The following NR2F1-AS1 variants were observed in gnomAD, a reference collection of about 807,000 sequenced individuals.
The protein encoded by NR2F1-AS1 is NR2F1 regulatory antisense RNA 1.
At chr5:93,416,909 T>C (rs1748980069) in intron 4 of NR2F1-AS1, among the ~76,000 whole-genome samples, 1 of 152,194 alleles carries the variant, frequency 6.6e-6, no homozygotes, top group African/African-American at 2.4e-5. Context: ...TAGGTAATAT[T>C]TACCTGGCAT....
chr5:93,579,591 C>A lies in NR2F1-AS1; in HGVS notation n.313+876G>T, dbSNP rs572522309. On this transcript the variant is annotated intron_variant and non_coding_transcript_variant, in intron 1 of 5. Coordinates refer to ENST00000660523, the Ensembl canonical transcript of NR2F1-AS1. This position sits in a 1 kb window ranked among gnomAD's most constrained non-coding sequence, Gnocchi z 5.1. ...AGGCAAGGCCTCCTCGCTTCCGAGA[C>A]CCCCCAGCCCCCGGGTGCAGTCCCC... Among the ~76,000 whole-genome samples, 8 of 152,228 alleles carry A rather than the reference C, an allele frequency of 5.3e-5. No homozygotes were observed. Among genetic ancestry groups the A allele is most frequent in the African/African-American group, 1.4e-4 (6 of 41,554 alleles).
intron 2 of NR2F1-AS1, among the ~76,000 whole-genome samples, chr5:93,557,784 A>G (rs1752394443): frequency 6.6e-6 from 1 of 152,198 alleles, no homozygotes; most frequent in Admixed American, 6.5e-5. Flanking sequence ...TCTCTGTGGC[A>G]TGCAATGCTG....
chr5:93,538,249 G>A (rs1751878780), intron 4 of NR2F1-AS1, among the ~76,000 whole-genome samples: 1 of 152,182 alleles, frequency 6.6e-6, no homozygotes, highest in Non-Finnish European at 1.5e-5. Flanking sequence ...GAGGCAGGCA[G>A]ATCCCTTGAG....
intron 4 of NR2F1-AS1, among the ~76,000 whole-genome samples, chr5:93,429,069 A>G (rs1388315210): frequency 6.6e-6 from 1 of 152,184 alleles, no homozygotes; most frequent in African/African-American, 2.4e-5. Flanking sequence ...GTTCTTAGTC[A>G]TGTGCAGTCA....
intron 4 of NR2F1-AS1, among the ~76,000 whole-genome samples, chr5:93,468,054 T>C (rs1006583764): frequency 1.3e-5 from 2 of 152,248 alleles, no homozygotes; most frequent in Admixed American, 1.3e-4. Flanking sequence ...CAGTCTATCA[T>C]TGATGGACAT....
intron 4 of NR2F1-AS1, among the ~76,000 whole-genome samples, chr5:93,515,008 A>G (rs1339681664): frequency 6.6e-6 from 1 of 151,934 alleles, no homozygotes; most frequent in Non-Finnish European, 1.5e-5. Context: ...TAATGCTTTA[A>G]TGCTTCCATT....
intron 4 of NR2F1-AS1, chr5:93,543,900 T>C (rs1752014202): frequency 6.6e-6 from 1 of 152,200 alleles, no homozygotes; most frequent in Admixed American, 6.5e-5. Flanking sequence ...GAGAAGTTGT[T>C]GCGATATGTA....
At chr5:93,529,992 A>T (rs1298727569) in intron 4 of NR2F1-AS1, among the ~76,000 whole-genome samples, 5 of 152,150 alleles carry the variant, frequency 3.3e-5, no homozygotes, top group Admixed American at 3.3e-4. Context: ...CAGAAGTCAT[A>T]AAAGACAGAC....
At chr5:93,426,975 AT>A (rs1394507112) in intron 4 of NR2F1-AS1, among the ~76,000 whole-genome samples, 1 of 152,118 alleles carries the variant, frequency 6.6e-6, no homozygotes, top group African/African-American at 2.4e-5. Context: ...GACTTGCATA[AT>A]TTTTCTGGGC....
At position 93,579,623 on chromosome 5, in the gene NR2F1-AS1, G is replaced by C. The variant is rs1185694721; in HGVS notation, n.313+844C>G. On this transcript the variant is annotated intron_variant and non_coding_transcript_variant, in intron 1 of 5. Transcript: ENST00000660523. This position sits in a 1 kb window ranked among gnomAD's most constrained non-coding sequence, Gnocchi z 5.1. The stretch of plus-strand genomic sequence containing the variant: ...GCCCCCGGGTGCAGTCCCCAGCATC[G>C]GCTGCCCCCGCCCCCCGCGCGCCCT... 1.4e-5 allele frequency among the ~76,000 whole-genome samples: 2 copies of C among 146,512 alleles called. No individual in the cohort carries two copies. Among genetic ancestry groups the C allele is most frequent in the Non-Finnish European group, 3.0e-5 (2 of 66,830 alleles).
chr5:93,539,236 C>T (rs1253970202), intron 4 of NR2F1-AS1, among the ~76,000 whole-genome samples: 38 of 152,084 alleles, frequency 2.5e-4, no homozygotes, highest in Admixed American at 2.5e-3. Flanking sequence ...TGAGATTGCG[C>T]CTCTGCACTC....
chr5:93,424,471 C>G (rs1357629898), intron 4 of NR2F1-AS1, among the ~76,000 whole-genome samples: 1 of 151,868 alleles, frequency 6.6e-6, no homozygotes, highest in African/African-American at 2.4e-5. Context: ...CCATTCTCAC[C>G]CCACATAGAT....
At chr5:93,546,145 G>A (rs190555542) in intron 4 of NR2F1-AS1, among the ~76,000 whole-genome samples, 2 of 152,276 alleles carry the variant, frequency 1.3e-5, no homozygotes, top group Admixed American at 1.3e-4. Flanking sequence ...AGGAATCAGA[G>A]AGAAGGTTTG....
At position 93,467,336 on chromosome 5, in the gene NR2F1-AS1, A is replaced by G. The variant is rs933304667; in HGVS notation, n.639-71794T>C. On this transcript the variant is annotated intron_variant and non_coding_transcript_variant, in intron 4 of 5. Transcript: ENST00000660523. ...CCTTCCAGTTTTTATGGCCAAGTTCATCCCAGAGAAGACTTGTATCATTGA... is the reference window on the plus strand; with the variant it reads ...CCTTCCAGTTTTTATGGCCAAGTTCGTCCCAGAGAAGACTTGTATCATTGA... 6.6e-5 allele frequency among the ~76,000 whole-genome samples: 10 copies of G among 152,298 alleles called. No homozygotes were observed. In the East Asian group the frequency reaches 1.9e-3, roughly 29 times the overall value.
intron 1 of NR2F1-AS1, among the ~76,000 whole-genome samples, chr5:93,564,571 C>T (rs1328573803): frequency 2.0e-5 from 3 of 152,126 alleles, no homozygotes; most frequent in Non-Finnish European, 4.4e-5. Context: ...GCTATTTTCA[C>T]TTTAGTACTC....
intron 4 of NR2F1-AS1, among the ~76,000 whole-genome samples, chr5:93,417,305 T>C (rs1421529342): frequency 6.6e-6 from 1 of 152,200 alleles, no homozygotes; most frequent in African/African-American, 2.4e-5. Flanking sequence ...TTTTATTGTA[T>C]ATGGAAAAGA....
intron 4 of NR2F1-AS1, among the ~76,000 whole-genome samples, chr5:93,433,909 T>C (rs1393609970): frequency 1.3e-5 from 2 of 152,190 alleles, no homozygotes; most frequent in East Asian, 3.9e-4. Context: ...TTATTGCCTC[T>C]ACTTGAATTT....
At chr5:93,414,050 C>T (rs1429970567) in intron 4 of NR2F1-AS1, among the ~76,000 whole-genome samples, 3 of 152,164 alleles carry the variant, frequency 2.0e-5, no homozygotes, top group Non-Finnish European at 4.4e-5. Flanking sequence ...CAGATGACCA[C>T]AGTCCACTGT....
intron 4 of NR2F1-AS1, among the ~76,000 whole-genome samples, chr5:93,472,210 C>G (rs553806533): frequency 1.3e-5 from 2 of 151,752 alleles, no homozygotes; most frequent in South Asian, 4.1e-4. Context: ...TGAGATTGTT[C>G]GGCTTGCATA....
Sources: allele counts gnomAD v4.1 joint callset (sites outside exome capture counted in the v4.1 genomes callset), GRCh38; gene constraint gnomAD v4.1.1; non-coding constraint Gnocchi (gnomAD v3.1); transcripts MANE v1.5; gene names NCBI Gene and HGNC (gene_info 2026-07-23, HGNC 2026-07-21).